The following TSHZ3 variants were observed in gnomAD, a reference collection of about 807,000 sequenced individuals.
The protein encoded by TSHZ3 is teashirt homolog 3.
Under a neutral mutation model 64.5 loss-of-function variants are expected in TSHZ3, and 10 were observed. The ratio of observed to expected loss-of-function variants is 0.16; its 90% confidence interval spans 0.10 to 0.26. TSHZ3 has a LOEUF of 0.26. Among genes scored for constraint, TSHZ3 ranks in the 10% least tolerant of loss-of-function variants. The pLI, the probability that TSHZ3 is intolerant of heterozygous loss-of-function variation, is 1.00. For missense variants in TSHZ3, 1,242 were observed against 1,421.7 expected (o/e 0.87, Z 2.03); for synonymous variants, 608 against 593.1 (o/e 1.03, Z -0.36).
chr19:31,231,781 C>G (rs1251156272), intron 3 of TSHZ3, among the ~76,000 whole-genome samples: 1 of 152,172 alleles, frequency 6.6e-6, no homozygotes, highest in African/African-American at 2.4e-5. Flanking sequence ...AGCAGCTTCA[C>G]AAGTCGTGCC....
intron 4 of TSHZ3, among the ~76,000 whole-genome samples, chr19:31,210,630 T>A (rs1975250381): frequency 6.6e-6 from 1 of 152,156 alleles, no homozygotes; most frequent in South Asian, 2.1e-4. Context: ...AGAATGGATC[T>A]AACGAGTGAG....
chr19:31,173,298 C>T (rs1974563012), intron 5 of TSHZ3, among the ~76,000 whole-genome samples: 1 of 152,080 alleles, frequency 6.6e-6, no homozygotes, highest in Admixed American at 6.5e-5. Flanking sequence ...AGATGACTTC[C>T]AGATTGCATT....
chr19:31,325,704 G>A (rs1388335518), intron 1 of TSHZ3, among the ~76,000 whole-genome samples: 1 of 152,198 alleles, frequency 6.6e-6, no homozygotes, highest in Non-Finnish European at 1.5e-5. Flanking sequence ...TAAGTGGAAG[G>A]ACATTACTAT....
chr19:31,348,446 G>C (rs956774364), intron 1 of TSHZ3, among the ~76,000 whole-genome samples: 4 of 146,260 alleles, frequency 2.7e-5, no homozygotes, highest in African/African-American at 1.0e-4. Flanking sequence ...AACAGGAGTT[G>C]ACACTCCCGG....
At chr19:31,347,704 G>A (rs529212289) in intron 1 of TSHZ3, among the ~76,000 whole-genome samples, 2 of 152,336 alleles carry the variant, frequency 1.3e-5, no homozygotes, top group South Asian at 4.1e-4. Context: ...ACCGAGGACA[G>A]AGAGCAAAAC....
chr19:31,156,630 T>TA (rs1974309024), intron 5 of TSHZ3, among the ~76,000 whole-genome samples: 1 of 152,208 alleles, frequency 6.6e-6, no homozygotes, highest in Non-Finnish European at 1.5e-5. Flanking sequence ...AATGATGTTA[T>TA]AAGACCAGGA....
At chr19:31,158,759 G>A (rs1351858838) in intron 5 of TSHZ3, among the ~76,000 whole-genome samples, 1 of 152,204 alleles carries the variant, frequency 6.6e-6, no homozygotes, top group African/African-American at 2.4e-5. Flanking sequence ...GATGATGGAA[G>A]ATGGTGACAG....
chr19:31,215,668 C>G (rs1975316863), intron 4 of TSHZ3, among the ~76,000 whole-genome samples: 1 of 152,156 alleles, frequency 6.6e-6, no homozygotes, highest in Non-Finnish European at 1.5e-5. Context: ...GTTAGGAGTT[C>G]AAGACCAGCC....
intron 1 of TSHZ3, among the ~76,000 whole-genome samples, chr19:31,297,599 G>T (rs1976687276): frequency 6.6e-6 from 1 of 152,046 alleles, no homozygotes; most frequent in Non-Finnish European, 1.5e-5. Flanking sequence ...CAAGTAGCTG[G>T]GACTACAGGT....
intron 4 of TSHZ3, among the ~76,000 whole-genome samples, chr19:31,219,387 A>G (rs997969341): frequency 3.9e-5 from 6 of 152,168 alleles, no homozygotes; most frequent in Admixed American, 6.5e-5. Flanking sequence ...ATCAAGTCCA[A>G]TCAGTGGTAA....
intron 1 of TSHZ3, among the ~76,000 whole-genome samples, chr19:31,268,105 T>C (rs1976079951): frequency 6.6e-6 from 1 of 152,120 alleles, no homozygotes; most frequent in Non-Finnish European, 1.5e-5. Context: ...GTTTTATAAA[T>C]GGGAGTTCCC....
intron 1 of TSHZ3, among the ~76,000 whole-genome samples, chr19:31,343,752 G>A (rs1917500677): frequency 6.7e-6 from 1 of 149,814 alleles, no homozygotes; most frequent in Non-Finnish European, 1.5e-5. Flanking sequence ...CCAAGTCTAT[G>A]TCTCCAGTCC....
intron 1 of TSHZ3, among the ~76,000 whole-genome samples, chr19:31,269,343 G>A (rs769578108): frequency 1.3e-5 from 2 of 152,214 alleles, no homozygotes; most frequent in East Asian, 1.9e-4. Context: ...AGCTTTTGCC[G>A]ACTCGGTTTC....
chr19:31,180,456 T>A (rs1263583699), intron 5 of TSHZ3, among the ~76,000 whole-genome samples: 1 of 152,172 alleles, frequency 6.6e-6, no homozygotes, highest in East Asian at 1.9e-4. Flanking sequence ...ATCCAAGCTT[T>A]TCAAAGCTAT....
intron 1 of TSHZ3, 139 bp downstream of exon 1, chr19:31,349,041 C>T: frequency 1.8e-6 from 2 of 1,140,078 alleles, no homozygotes; most frequent in African/African-American, 1.6e-5. Context: ...GCGCACGCAC[C>T]CAAACAGGAG....
intron 1 of TSHZ3, among the ~76,000 whole-genome samples, chr19:31,335,442 G>A (rs868449071): frequency 6.6e-6 from 1 of 152,180 alleles, no homozygotes; most frequent in Non-Finnish European, 1.5e-5. Context: ...TCAAGCCCTG[G>A]TCAGGCATCT....
chr19:31,348,532 G>A (rs539061066), intron 1 of TSHZ3, among the ~76,000 whole-genome samples: 1 of 151,790 alleles, frequency 6.6e-6, no homozygotes, highest in Non-Finnish European at 1.5e-5. Flanking sequence ...AGTGCTATGC[G>A]GAGATGAGGG....
At chr19:31,302,820 G>A (rs755912065) in intron 1 of TSHZ3, among the ~76,000 whole-genome samples, 31 of 152,174 alleles carry the variant, frequency 2.0e-4, no homozygotes, top group Middle Eastern at 3.2e-3. Flanking sequence ...CAAAACAGGA[G>A]CATCTGGAAG....
At chr19:31,347,946 A>T (rs1016083050) in intron 1 of TSHZ3, among the ~76,000 whole-genome samples, 5 of 152,178 alleles carry the variant, frequency 3.3e-5, no homozygotes, top group Non-Finnish European at 5.9e-5. Flanking sequence ...TTCCTCCAAG[A>T]TGGGCACCAG....
Sources: allele counts gnomAD v4.1 joint callset (sites outside exome capture counted in the v4.1 genomes callset), GRCh38; gene constraint gnomAD v4.1.1; transcripts MANE v1.5; gene names NCBI Gene and HGNC (gene_info 2026-07-23, HGNC 2026-07-21).